Variants in ADCY8 observed in about 807,000 individuals in gnomAD.
ADCY8 encodes adenylate cyclase type 8.
ADCY8 carries 51 observed loss-of-function variants against 119.7 expected under a neutral mutation model. That is an observed-to-expected ratio of 0.43 (90% CI 0.34 to 0.54). The LOEUF is 0.54. ADCY8 is among the 20% of genes least tolerant of loss of function. ADCY8 has a pLI of 0.03. For synonymous variants in ADCY8, 665 were observed against 651.0 expected (o/e 1.02, Z -0.33); for missense variants, 1,383 against 1,598.8 (o/e 0.87, Z 2.30).
Position 130,931,967 on chromosome 8 carries a change from A to T in ADCY8, c.1481+5106T>A, listed in dbSNP as rs564725412. The stretch of plus-strand genomic sequence containing the variant: ...CTTTAGGTTCAGTCACTGGTACCTT[A>T]TTTTATCTCTTAGTGATGTCATATT... On this transcript the variant is annotated intron_variant, in intron 5 of 17. Transcript: ENST00000286355. Among the ~76,000 whole-genome samples the T allele has an allele frequency of 2.8e-4, 42 of 152,116 alleles. No homozygotes were observed. In the South Asian group the frequency reaches 8.3e-3, roughly 30 times the overall value.
chr8:130,819,305 C>T (rs1430232439), intron 13 of ADCY8, among the ~76,000 whole-genome samples: 1 of 152,144 alleles, frequency 6.6e-6, no homozygotes, highest in African/African-American at 2.4e-5. Context: ...GGAAAAATAT[C>T]AGATGTCACT....
At chr8:130,991,437 G>T (rs116640289) in intron 1 of ADCY8, among the ~76,000 whole-genome samples, 2 of 152,132 alleles carry the variant, frequency 1.3e-5, no homozygotes, top group African/African-American at 4.8e-5. Flanking sequence ...ACCTAAAATT[G>T]TTTTATAACC....
chr8:131,037,456 G>A (rs1332969696), intron 1 of ADCY8, among the ~76,000 whole-genome samples: 1 of 152,144 alleles, frequency 6.6e-6, no homozygotes, highest in East Asian at 1.9e-4. Context: ...CTCATAATTT[G>A]CCACTTAGGA....
At chr8:130,832,915 G>A (rs937159073) in intron 12 of ADCY8, among the ~76,000 whole-genome samples, 1 of 152,174 alleles carries the variant, frequency 6.6e-6, no homozygotes, top group Admixed American at 6.5e-5. Context: ...ATATGACTTT[G>A]CATATGCAAC....
At chr8:131,019,823 C>CTCTCTCTCTGTCTG (rs1823599348) in intron 1 of ADCY8, among the ~76,000 whole-genome samples, 1 of 126,290 alleles carries the variant, frequency 7.9e-6, no homozygotes, top group Non-Finnish European at 1.6e-5. Flanking sequence ...CTCTCTCTCT[C>CTCTCTCTCTGTCTG]TCTCTCTCTC....
chr8:131,034,484 TAA>T (rs906993426), intron 1 of ADCY8, among the ~76,000 whole-genome samples: 2 of 152,106 alleles, frequency 1.3e-5, no homozygotes, highest in African/African-American at 4.8e-5. Flanking sequence ...AAGGATTTCT[TAA>T]AGGCCAAATG....
chr8:130,988,095 A>C (rs933519040), intron 2 of ADCY8, among the ~76,000 whole-genome samples: 1 of 152,240 alleles, frequency 6.6e-6, no homozygotes, highest in Admixed American at 6.5e-5. Flanking sequence ...AGCTTGCTCA[A>C]GCTCACTAAA....
chr8:130,808,803 G>C (rs1816066488), intron 14 of ADCY8, among the ~76,000 whole-genome samples: 1 of 152,190 alleles, frequency 6.6e-6, no homozygotes, highest in Non-Finnish European at 1.5e-5. Flanking sequence ...ACCTGGCGTA[G>C]GTCACACAGC....
intron 8 of ADCY8, among the ~76,000 whole-genome samples, chr8:130,870,697 A>G (rs746660314): frequency 8.5e-5 from 13 of 152,120 alleles, no homozygotes; most frequent in Non-Finnish European, 1.5e-4. Context: ...GACTACTTTT[A>G]TGAAGGTTTT....
At chr8:130,915,395 A>G (rs991127966) in intron 5 of ADCY8, among the ~76,000 whole-genome samples, 1 of 152,208 alleles carries the variant, frequency 6.6e-6, no homozygotes, top group African/African-American at 2.4e-5. Flanking sequence ...TGATCTATAC[A>G]TTAGACAGGA....
At chr8:130,866,748 A>G (rs1435447) in intron 9 of ADCY8, among the ~76,000 whole-genome samples, 63,826 of 152,024 alleles carry the variant, frequency 0.42, 13,706 homozygotes, top group African/African-American at 0.51. Flanking sequence ...ATTTCAGCTC[A>G]GATATTACAC....
At chr8:130,986,497 T>A (rs774204441) in intron 2 of ADCY8, among the ~76,000 whole-genome samples, 3 of 152,204 alleles carry the variant, frequency 2.0e-5, no homozygotes, top group African/African-American at 4.8e-5. Context: ...GAGTAGTATA[T>A]GTAATAAAGT....
chr8:130,939,896 A>G (rs935782226), intron 4 of ADCY8, among the ~76,000 whole-genome samples: 59 of 152,342 alleles, frequency 3.9e-4, no homozygotes, highest in Non-Finnish European at 7.5e-4. Context: ...TTACAGATAC[A>G]GAAATCTCAG....
At chr8:130,809,198 C>G (rs1333857985) in intron 14 of ADCY8, among the ~76,000 whole-genome samples, 5 of 152,150 alleles carry the variant, frequency 3.3e-5, no homozygotes, top group Non-Finnish European at 7.4e-5. Flanking sequence ...CATGTACTTA[C>G]AGTGAGGTGG....
intron 6 of ADCY8, among the ~76,000 whole-genome samples, chr8:130,904,306 C>T (rs1426089378): frequency 2.0e-5 from 3 of 152,206 alleles, no homozygotes; most frequent in East Asian, 1.9e-4. Flanking sequence ...CACCTAAGCA[C>T]ATCTTTTGGC....
intron 13 of ADCY8, among the ~76,000 whole-genome samples, chr8:130,821,135 T>C (rs540033919): frequency 6.6e-6 from 1 of 152,356 alleles, no homozygotes; most frequent in African/African-American, 2.4e-5. Context: ...AAGAGATGTA[T>C]CCAAAGGTCA....
intron 2 of ADCY8, among the ~76,000 whole-genome samples, chr8:130,952,669 A>G (rs1291791492): frequency 1.3e-5 from 2 of 152,158 alleles, no homozygotes; most frequent in African/African-American, 4.8e-5. Context: ...GTTTTAAAAG[A>G]TCACTTTGGC....
At position 130,800,511 on chromosome 8, in the gene ADCY8, G is replaced by A. The variant is rs770559183; in HGVS notation, c.2975C>T (p.Ala992Val). The A allele has an allele frequency of 5.0e-6, 8 of 1,614,148 alleles. No homozygotes were observed. The highest frequency in any genetic ancestry group is 1.1e-5 in the South Asian group (1 of 91,080). ...CATTTCAGTCTGAGAGTAAAAGTCCGCAAATCCTGGGATGGAGGCAAACAT... is the reference window on the plus strand; with the variant it reads ...CATTTCAGTCTGAGAGTAAAAGTCCACAAATCCTGGGATGGAGGCAAACAT... ...GVMFASIPGF[A>V]DFYSQTEMNN... Residue 992 changes from alanine (A) to valine (V), a missense_variant, in exon 15 of 18, where the codon GCG becomes GTG. Ala to Val is a moderately conservative substitution (Grantham distance 64). Transcript: ENST00000286355.
rs538884286 is a variant in ADCY8, at chr8:130,956,148, A to AAAAC, written c.1111-4154_1111-4151dup. ...CAACAGAGAAAGACCCTGCCTCAAAAAAACAAACAAACAAACAAAAAAATC... is the reference window on the plus strand; with the variant it reads ...CAACAGAGAAAGACCCTGCCTCAAAAAAACAAACAAACAAACAAACAAAAAAATC... On this transcript the variant is annotated intron_variant, in intron 2 of 17. Transcript: ENST00000286355. 2.1e-3 allele frequency among the ~76,000 whole-genome samples: 320 copies of AAAAC among 152,314 alleles called. 4 individuals are homozygous for AAAAC. The highest frequency in any genetic ancestry group is 7.1e-3 in the African/African-American group (294 of 41,556).
Sources: gnomAD v4.1 joint callset for allele counts (sites outside exome capture counted in the v4.1 genomes callset) on GRCh38, gnomAD v4.1.1 for gene constraint, MANE v1.5 for transcripts, NCBI Gene and HGNC (gene_info 2026-07-23, HGNC 2026-07-21) for gene names.